The following LDB2 variants were observed in gnomAD, a reference collection of about 807,000 sequenced individuals.
LDB2 encodes LIM domain binding 2, also known as LIM domain-binding protein 2.
LDB2 carries 12 observed loss-of-function variants against 44.3 expected under a neutral mutation model. That is an observed-to-expected ratio of 0.27 (90% confidence interval 0.17 to 0.44). The LOEUF (loss-of-function observed/expected upper bound fraction) is 0.44, where lower values mean the gene tolerates loss of function less well. Among genes scored for constraint, LDB2 ranks in the 20% least tolerant of loss-of-function variants. The probability of loss-of-function intolerance (pLI) is 1.00; values close to 1 mark genes in which losing one functional copy is unlikely to be tolerated. For missense variants in LDB2, 344 were observed against 473.5 expected, an observed-to-expected ratio of 0.73 and a Z score of 2.54; for synonymous variants, 164 against 174.8, an observed-to-expected ratio of 0.94 and a Z score of 0.49.
intron 5 of LDB2, among the ~76,000 whole-genome samples, chr4:16,534,100 A>T (rs1378192232): frequency 6.6e-6 from 1 of 152,194 alleles, no homozygotes; most frequent in Non-Finnish European, 1.5e-5. Flanking sequence ...GTCCAGCAGA[A>T]TGATGCACCA....
chr4:16,798,765 C>T (rs939230845), intron 1 of LDB2, among the ~76,000 whole-genome samples: 8 of 152,324 alleles, frequency 5.3e-5, no homozygotes, highest in South Asian at 2.1e-4. Flanking sequence ...GCTCTAGCCT[C>T]GAAAGCTGGA....
chr4:16,535,719 C>T (rs1445285305), intron 5 of LDB2, among the ~76,000 whole-genome samples: 3 of 152,206 alleles, frequency 2.0e-5, no homozygotes, highest in African/African-American at 4.8e-5. Context: ...AGTAGTAGCA[C>T]TTACTGAATG....
chr4:16,838,582 T>C (rs1346894777), intron 1 of LDB2, among the ~76,000 whole-genome samples: 2 of 152,136 alleles, frequency 1.3e-5, no homozygotes, highest in African/African-American at 4.8e-5. Context: ...GTCATGTACT[T>C]AAAAAAGGAC....
intron 5 of LDB2, among the ~76,000 whole-genome samples, chr4:16,569,675 C>T (rs1745721557): frequency 2.0e-5 from 3 of 152,120 alleles, no homozygotes; most frequent in African/African-American, 7.2e-5. Flanking sequence ...TCCATCCATC[C>T]ATCCGTCCAT....
intron 2 of LDB2, among the ~76,000 whole-genome samples, chr4:16,624,874 A>G (rs576334544): frequency 6.6e-6 from 1 of 152,358 alleles, no homozygotes; most frequent in East Asian, 1.9e-4. Context: ...TTCTCTGGGT[A>G]GAATTTCAAA....
At chr4:16,694,458 A>G (rs17492900) in intron 2 of LDB2, among the ~76,000 whole-genome samples, 2,928 of 152,308 alleles carry the variant, frequency 0.019, 39 homozygotes, top group Non-Finnish European at 0.028. Flanking sequence ...TGGAAGTATC[A>G]TTGTAGTTCA....
Position 16,597,325 on chromosome 4 carries a change from G to A in LDB2, c.236-1450C>T, listed in dbSNP as rs369050878. 1.1e-4 allele frequency among the ~76,000 whole-genome samples: 16 copies of A among 151,956 alleles called. No individual in the cohort carries two copies. In the East Asian group the frequency reaches 1.9e-3, roughly 18 times the overall value. ...GTCTGCTAAATATTCCAGGATTTTCGGTGATTCCATCCTAGATAATCTTTC... is the reference window on the plus strand; with the variant it reads ...GTCTGCTAAATATTCCAGGATTTTCAGTGATTCCATCCTAGATAATCTTTC... On this transcript the variant is annotated intron_variant, in intron 2 of 7. Transcript: ENST00000304523.
At chr4:16,523,801 T>C (rs532723242) in intron 5 of LDB2, among the ~76,000 whole-genome samples, 1 of 152,360 alleles carries the variant, frequency 6.6e-6, no homozygotes, top group East Asian at 1.9e-4. Context: ...TTGAAACTTA[T>C]GAATAGTTTA....
intron 1 of LDB2, among the ~76,000 whole-genome samples, chr4:16,888,256 C>G (rs1277272340): frequency 6.6e-6 from 1 of 152,206 alleles, no homozygotes; most frequent in Non-Finnish European, 1.5e-5. Context: ...CCTGCAAAGA[C>G]ACTGGTGAAA....
intron 1 of LDB2, among the ~76,000 whole-genome samples, chr4:16,889,826 A>G (rs576744751): frequency 5.3e-5 from 8 of 152,354 alleles, no homozygotes; most frequent in Admixed American, 6.5e-5. Flanking sequence ...AATAATTCCT[A>G]TGAAGAAGGC....
chr4:16,609,085 G>A (rs552464062), intron 2 of LDB2, among the ~76,000 whole-genome samples: 2 of 152,296 alleles, frequency 1.3e-5, no homozygotes, highest in South Asian at 4.1e-4. Flanking sequence ...GAAGACTGGT[G>A]TGACCCATGG....
At chr4:16,793,968 G>T (rs75942398) in intron 1 of LDB2, among the ~76,000 whole-genome samples, 1 of 152,030 alleles carries the variant, frequency 6.6e-6, no homozygotes, top group Non-Finnish European at 1.5e-5. Flanking sequence ...TACCCCTCTC[G>T]GTAATGTCTT....
chr4:16,740,879 T>G (rs1763114258), intron 2 of LDB2, among the ~76,000 whole-genome samples: 1 of 152,214 alleles, frequency 6.6e-6, no homozygotes, highest in African/African-American at 2.4e-5. Flanking sequence ...AATCTTATCC[T>G]CCTTTTAAAT....
chr4:16,666,270 C>T (rs1208812271), intron 2 of LDB2, among the ~76,000 whole-genome samples: 1 of 152,172 alleles, frequency 6.6e-6, no homozygotes, highest in African/African-American at 2.4e-5. Context: ...CTTTCTCTGG[C>T]TCACACGGGA....
chr4:16,828,593 G>A (rs1783488090), intron 1 of LDB2, among the ~76,000 whole-genome samples: 1 of 152,098 alleles, frequency 6.6e-6, no homozygotes, highest in African/African-American at 2.4e-5. Flanking sequence ...AGTTTTTGTT[G>A]TATCTCTCTC....
At chr4:16,845,821 A>C (rs761897836) in intron 1 of LDB2, among the ~76,000 whole-genome samples, 1 of 152,094 alleles carries the variant, frequency 6.6e-6, no homozygotes, top group Admixed American at 6.6e-5. Flanking sequence ...GAAATGAGCT[A>C]ATAAGCCTGG....
At chr4:16,604,759 A>T (rs946129165) in intron 2 of LDB2, among the ~76,000 whole-genome samples, 1 of 152,076 alleles carries the variant, frequency 6.6e-6, no homozygotes, top group Non-Finnish European at 1.5e-5. Context: ...GTCTAATTTG[A>T]CTGTATGCCT....
chr4:16,561,044 CT>C (rs1374446852), intron 5 of LDB2, among the ~76,000 whole-genome samples: 2 of 152,058 alleles, frequency 1.3e-5, no homozygotes, highest in African/African-American at 4.8e-5. Flanking sequence ...CTCTCAATAA[CT>C]TAGGTATTGA....
chr4:16,885,438 A>G (rs1205041989), intron 1 of LDB2, among the ~76,000 whole-genome samples: 2 of 152,242 alleles, frequency 1.3e-5, no homozygotes, highest in Admixed American at 6.5e-5. Flanking sequence ...TGACTGATAC[A>G]AATATGAGCA....
Sources: allele counts gnomAD v4.1 joint callset (sites outside exome capture counted in the v4.1 genomes callset), GRCh38; gene constraint gnomAD v4.1.1; transcripts MANE v1.5; gene names NCBI Gene and HGNC (gene_info 2026-07-23, HGNC 2026-07-21).